Variants in KIF26B observed in about 807,000 individuals in gnomAD.
KIF26B encodes kinesin-like protein KIF26B.
A neutral mutation model predicts 151.2 loss-of-function variants in KIF26B; 63 were observed. The observed-to-expected ratio is 0.42, with a 90% CI of 0.34 to 0.51. The LOEUF (loss-of-function observed/expected upper bound fraction) is 0.51. KIF26B is among the 20% of genes least tolerant of loss of function. The pLI is 0.07. For missense variants in KIF26B, 2,813 were observed against 2,913.6 expected (o/e 0.97, Z 0.79); for synonymous variants, 1,357 against 1,262.1 (o/e 1.08, Z -1.59).
At chr1:245,501,086 C>T (rs1660610190) in intron 4 of KIF26B, among the ~76,000 whole-genome samples, 1 of 152,166 alleles carries the variant, frequency 6.6e-6, no homozygotes, top group Non-Finnish European at 1.5e-5. Context: ...CCTGTGAGGT[C>T]AGTACCATAT....
chr1:245,513,211 C>G (rs563044831), intron 4 of KIF26B, among the ~76,000 whole-genome samples: 9 of 149,532 alleles, frequency 6.0e-5, no homozygotes, highest in African/African-American at 1.8e-4. Flanking sequence ...AACCTGCACC[C>G]CCCCCCAACC....
rs535147214 is a variant in KIF26B, at chr1:245,342,161, T to C, written c.466-24673T>C. Among the ~76,000 whole-genome samples the C allele has an allele frequency of 1.5e-4, 23 of 152,314 alleles. No homozygotes were observed. In the South Asian group the frequency reaches 4.8e-3, roughly 32 times the overall value. ...TCTGAGCCCTGGATGGATGGTGATA[T>C]TAAATACAGATTGTGCGCACATTAG... is the stretch of plus-strand genomic sequence containing the variant. On this transcript the variant is annotated intron_variant, in intron 2 of 14. Transcript: ENST00000407071.
At position 245,687,001 on chromosome 1, in the gene KIF26B, T is replaced by G. The variant is rs201270462; in HGVS notation, c.4018T>G (p.Leu1340Val). ...REKPKASPDN[L>V]LILSEMGDDS... ...GAAGCCCAAGGCCAGCCCCGACAAC[T>G]TGCTCATCCTGTCTGAGATGGGAGA... is the stretch of plus-strand genomic sequence containing the variant. Residue 1340 changes from leucine (L) to valine (V), a missense_variant, in exon 12 of 15, where the codon TTG becomes GTG. Leu to Val is a conservative substitution (Grantham distance 32, BLOSUM62 1). Transcript: ENST00000407071. The surrounding 1 kb of genome is among the most constrained non-coding windows in gnomAD (Gnocchi z 4.9). 135 of 1,613,508 alleles carry G rather than the reference T, an allele frequency of 8.4e-5. No homozygotes were observed. In the African/African-American group the frequency reaches 1.7e-3, roughly 20 times the overall value.
At position 245,668,696 on chromosome 1, in the gene KIF26B, C is replaced by CTT. The variant is rs11388815; in HGVS notation, c.2259-15534_2259-15533dup. Among the ~76,000 whole-genome samples, 923 of 143,420 alleles carry CTT rather than the reference C, an allele frequency of 6.4e-3. 17 individuals carry two copies. Among genetic ancestry groups the CTT allele is most frequent in the African/African-American group, 0.024 (837 of 34,272 alleles). 94.1% of individuals were successfully genotyped at this position (143,420 alleles called of 152,430 possible). ...GATCATGTTTCTTTTCTTTTCTTTT[C>CTT]TTTTCTTTTTTTGAGACAGCGTCTT... On this transcript the variant is annotated intron_variant, in intron 10 of 14. Coordinates refer to ENST00000407071, the MANE Select transcript of KIF26B (RefSeq NM_018012.4).
intron 2 of KIF26B, among the ~76,000 whole-genome samples, chr1:245,348,513 C>A (rs182332783): frequency 2.0e-5 from 3 of 152,286 alleles, no homozygotes; most frequent in Admixed American, 1.3e-4. Flanking sequence ...CCCTCTTGTT[C>A]ATAGATGGCA....
chr1:245,250,143 A>G (rs2103564639), intron 2 of KIF26B, among the ~76,000 whole-genome samples: 1 of 152,154 alleles, frequency 6.6e-6, no homozygotes, highest in South Asian at 2.1e-4. Flanking sequence ...AAGGCTTCTT[A>G]TTTCCCTCTT....
At chr1:245,405,269 C>A (rs944900601) in intron 3 of KIF26B, among the ~76,000 whole-genome samples, 5 of 152,134 alleles carry the variant, frequency 3.3e-5, no homozygotes, top group Admixed American at 6.5e-5. Context: ...ATCCGAACCT[C>A]CAAAGGGAAT....
chr1:245,586,158 A>AGTGTGTGTGTGTGTGTGT (rs10526699), intron 5 of KIF26B, among the ~76,000 whole-genome samples: 1 of 142,090 alleles, frequency 7.0e-6, no homozygotes, highest in African/African-American at 2.6e-5. Context: ...CACCATGACC[A>AGTGTGTGTGTGTGTGTGT]GTGTGTGTGT....
chr1:245,275,091 C>T (rs1489879377), intron 2 of KIF26B, among the ~76,000 whole-genome samples: 1 of 152,050 alleles, frequency 6.6e-6, no homozygotes, highest in African/African-American at 2.4e-5. Context: ...TGATGATGAG[C>T]TTTTTTTCAT....
At chr1:245,346,235 A>C (rs1183860403) in intron 2 of KIF26B, among the ~76,000 whole-genome samples, 2 of 151,660 alleles carry the variant, frequency 1.3e-5, no homozygotes. Flanking sequence ...GAGCCACCGC[A>C]CCTGGCCCTC....
At chr1:245,321,870 T>C (rs1671892609) in intron 2 of KIF26B, among the ~76,000 whole-genome samples, 1 of 152,212 alleles carries the variant, frequency 6.6e-6, no homozygotes. Flanking sequence ...CAGCATCACC[T>C]TGGAGCTCAC....
chr1:245,542,307 C>T (rs1325150531), intron 5 of KIF26B, among the ~76,000 whole-genome samples: 3 of 152,242 alleles, frequency 2.0e-5, no homozygotes, highest in Admixed American at 6.5e-5. Context: ...GAGCAATGAT[C>T]GTGCCACTGC....
chr1:245,300,305 A>G (rs1221132154), intron 2 of KIF26B, among the ~76,000 whole-genome samples: 2 of 152,122 alleles, frequency 1.3e-5, no homozygotes, highest in African/African-American at 4.8e-5. Context: ...CAGGCAGTGC[A>G]TGAAAGTGGC....
chr1:245,252,013 C>G (rs1670453813), intron 2 of KIF26B, among the ~76,000 whole-genome samples: 1 of 151,952 alleles, frequency 6.6e-6, no homozygotes, highest in Admixed American at 6.6e-5. Flanking sequence ...TGGCTCATGC[C>G]TATAATCCCA....
In KIF26B at chr1:245,704,479, G is replaced by C. The variant is rs1200465285; in HGVS notation, c.*1873G>C. 6.6e-6 allele frequency: 1 copy of C among 152,262 alleles called. No homozygotes were observed. The highest frequency in any genetic ancestry group is 1.9e-4 in the East Asian group (1 of 5,192). 9.4% of individuals were successfully genotyped at this position (152,262 alleles called of 1,614,324 possible). A position where few individuals can be genotyped will look rare whatever the true frequency, so the allele number is the denominator to read the frequency against. On this transcript the variant is annotated 3_prime_UTR_variant, in exon 15 of 15. Coordinates refer to ENST00000407071, the MANE Select transcript of KIF26B (RefSeq NM_018012.4). ...CATGTGCTTTGGAAGCCAGCTCCCTGGGTCACGAGTCTGGCTTTGCACTTT... is the reference window on the plus strand; with the variant it reads ...CATGTGCTTTGGAAGCCAGCTCCCTCGGTCACGAGTCTGGCTTTGCACTTT...
intron 2 of KIF26B, among the ~76,000 whole-genome samples, chr1:245,240,799 G>A (rs1156675480): frequency 6.6e-6 from 1 of 152,224 alleles, no homozygotes; most frequent in Non-Finnish European, 1.5e-5. Flanking sequence ...ACAGGGACCT[G>A]CCAGAGGGAG....
At chr1:245,548,380 C>A (rs1223661804) in intron 5 of KIF26B, among the ~76,000 whole-genome samples, 1 of 152,098 alleles carries the variant, frequency 6.6e-6, no homozygotes, top group Non-Finnish European at 1.5e-5. Context: ...AAAAATGAGG[C>A]AGAAACAGTG....
chr1:245,654,217 G>A (rs1212702046), intron 10 of KIF26B, among the ~76,000 whole-genome samples: 2 of 151,790 alleles, frequency 1.3e-5, no homozygotes, highest in Non-Finnish European at 2.9e-5. Context: ...TGTAAAATAC[G>A]AAAGGTAAAA....
chr1:245,427,020 G>A (rs1350755448), intron 4 of KIF26B, among the ~76,000 whole-genome samples: 1 of 152,190 alleles, frequency 6.6e-6, no homozygotes. Context: ...GGGAAGGAGC[G>A]TGGAACTGTT....
Sources: allele counts gnomAD v4.1 joint callset (sites outside exome capture counted in the v4.1 genomes callset), GRCh38; gene constraint gnomAD v4.1.1; non-coding constraint Gnocchi (gnomAD v3.1); transcripts MANE v1.5; gene names NCBI Gene and HGNC (gene_info 2026-07-23, HGNC 2026-07-21).